GABRG1: variants seen among roughly 807,000 people sequenced by gnomAD.
GABRG1 encodes gamma-aminobutyric acid receptor subunit gamma-1.
A neutral mutation model predicts 49.8 loss-of-function variants in GABRG1; 49 were observed. The ratio of observed to expected loss-of-function variants is 0.98; its 90% CI spans 0.78 to 1.25. The LOEUF is 1.25. GABRG1 is among the 50% of genes most tolerant of loss of function. GABRG1 has a pLI of 0.00. For synonymous variants in GABRG1, 232 were observed against 185.1 expected (o/e 1.25, Z -2.06); for missense variants, 552 against 552.3 (o/e 1.00, Z 0.01).
At chr4:46,087,069 T>C (rs1415860352) in intron 2 of GABRG1, among the ~76,000 whole-genome samples, 1 of 151,688 alleles carries the variant, frequency 6.6e-6, no homozygotes, top group Non-Finnish European at 1.5e-5. Flanking sequence ...ATGAGAGATA[T>C]GAGCGTATAA....
chr4:46,049,234 G>GA (rs1273495596), intron 8 of GABRG1, among the ~76,000 whole-genome samples: 1 of 151,858 alleles, frequency 6.6e-6, no homozygotes, highest in South Asian at 2.1e-4. Flanking sequence ...GTGGATTCCA[G>GA]AAAGCCCTTA....
At chr4:46,076,981 C>T (rs1017969253) in intron 3 of GABRG1, among the ~76,000 whole-genome samples, 5 of 151,006 alleles carry the variant, frequency 3.3e-5, no homozygotes, top group African/African-American at 9.7e-5. Context: ...TGGAACTATT[C>T]CACATGTAAA....
chr4:46,092,020 A>G (rs540907149), intron 2 of GABRG1, among the ~76,000 whole-genome samples: 1 of 152,188 alleles, frequency 6.6e-6, no homozygotes, highest in East Asian at 1.9e-4. Context: ...AAATTGAGTG[A>G]TATTTATGAA....
intron 3 of GABRG1, among the ~76,000 whole-genome samples, chr4:46,074,466 C>T (rs1719251047): frequency 6.6e-6 from 1 of 152,142 alleles, no homozygotes; most frequent in Admixed American, 6.6e-5. Flanking sequence ...GCACTTGCTG[C>T]TTCTGTTTAC....
chr4:46,049,490 G>C (rs957301423), intron 8 of GABRG1, among the ~76,000 whole-genome samples: 6 of 151,704 alleles, frequency 4.0e-5, no homozygotes, highest in African/African-American at 1.4e-4. Context: ...AAATATTTTT[G>C]GTACTCAAGT....
At chr4:46,092,059 T>A (rs1373925892) in intron 2 of GABRG1, among the ~76,000 whole-genome samples, 2 of 152,074 alleles carry the variant, frequency 1.3e-5, no homozygotes, top group African/African-American at 4.8e-5. Context: ...AGGGTTTCCA[T>A]ATCGATTGGA....
At chr4:46,066,586 A>G (rs1395564209) in intron 3 of GABRG1, among the ~76,000 whole-genome samples, 1 of 152,176 alleles carries the variant, frequency 6.6e-6, no homozygotes. Flanking sequence ...GTCCACATCC[A>G]TAACAAATGC....
chr4:46,097,435 T>G (rs1387489858), intron 1 of GABRG1, 86 bp from the exon 2 acceptor site: 2 of 1,290,436 alleles, frequency 1.5e-6, no homozygotes, highest in Admixed American at 2.5e-5. Context: ...TACAATTGAG[T>G]AAGAAAGTAA....
At chr4:46,043,084 C>A (rs1180543505) in intron 8 of GABRG1, among the ~76,000 whole-genome samples, 1 of 151,714 alleles carries the variant, frequency 6.6e-6, no homozygotes, top group Non-Finnish European at 1.5e-5. Flanking sequence ...TTATGCTAAT[C>A]AGAATGAAAA....
At chr4:46,051,758 A>C in intron 7 of GABRG1, 120 bp from the exon 8 acceptor site, 1 of 579,774 alleles carries the variant, frequency 1.7e-6, no homozygotes, top group Non-Finnish European at 3.0e-6. Context: ...GATTACTAGT[A>C]ATTTATATTA....
chr4:46,104,431 T>C (rs1039708730), intron 1 of GABRG1, among the ~76,000 whole-genome samples: 18 of 151,674 alleles, frequency 1.2e-4, no homozygotes, highest in Middle Eastern at 3.4e-3. Flanking sequence ...TAATAACTAA[T>C]GTGTTACATT....
At chr4:46,089,731 G>A (rs983363307) in intron 2 of GABRG1, among the ~76,000 whole-genome samples, 1 of 152,068 alleles carries the variant, frequency 6.6e-6, no homozygotes. Context: ...GGGAGGCTGG[G>A]GCAGGCAGAT....
intron 1 of GABRG1, among the ~76,000 whole-genome samples, chr4:46,123,056 C>T (rs1370602645): frequency 1.3e-5 from 2 of 149,924 alleles, no homozygotes; most frequent in East Asian, 2.0e-4. Flanking sequence ...AATTTGTGAT[C>T]GGTGACACTT....
Position 46,097,101 on chromosome 4 carries a change from T to C in GABRG1, c.253+100A>G, listed in dbSNP as rs564345634. 2.2e-5 allele frequency: 23 copies of C among 1,024,528 alleles called. No homozygotes were observed. In the South Asian group the frequency reaches 5.4e-4, roughly 24 times the overall value. The allele number at this position is 1,024,528 out of a possible 1,614,324, so 63.5% of individuals were successfully genotyped here. ...TTCAAATTCAGCAGATTCTCTGACA[T>C]ACATCAGACACTCAAGGAATAAGAA... On this transcript the variant is annotated intron_variant, in intron 2 of 8. Transcript: ENST00000295452.
At chr4:46,091,926 A>T (rs1458127474) in intron 2 of GABRG1, among the ~76,000 whole-genome samples, 3 of 152,096 alleles carry the variant, frequency 2.0e-5, no homozygotes, top group Non-Finnish European at 4.4e-5. Flanking sequence ...AAAATTGTCC[A>T]GAGATAAAAT....
intron 1 of GABRG1, among the ~76,000 whole-genome samples, chr4:46,105,697 C>T (rs567811258): frequency 1.0e-3 from 154 of 151,254 alleles, no homozygotes; most frequent in Non-Finnish European, 1.8e-3. Flanking sequence ...ACACTATCTC[C>T]AGACACATAA....
At position 46,058,769 on chromosome 4, in the gene GABRG1, T is replaced by C. The variant is rs1718555779; in HGVS notation, c.626-147A>G. ...ATAGAATATTTGAATACAATAAATA[T>C]TAATAAGCAGAGTTTAATGACTAAT... is the stretch of plus-strand genomic sequence containing the variant. On this transcript the variant is annotated intron_variant, in intron 5 of 8. Transcript: ENST00000295452. 3.5e-5 allele frequency: 22 copies of C among 626,884 alleles called. No homozygotes were observed. In the East Asian group the frequency reaches 5.5e-4, roughly 16 times the overall value. 38.8% of individuals were successfully genotyped at this position (626,884 alleles called of 1,614,324 possible). A position where few individuals can be genotyped will look rare whatever the true frequency, so the allele number is the denominator to read the frequency against.
chr4:46,078,783 T>C (rs148143242), intron 3 of GABRG1, among the ~76,000 whole-genome samples: 1 of 152,160 alleles, frequency 6.6e-6, no homozygotes, highest in East Asian at 1.9e-4. Flanking sequence ...TGGTCAAATA[T>C]TGAAAGTGAA....
Position 46,123,914 on chromosome 4 carries a change from C to A in GABRG1, c.-1G>T, listed in dbSNP as rs146916422. 6.6e-5 allele frequency: 106 copies of A among 1,612,504 alleles called. No individual in the cohort carries two copies. Among genetic ancestry groups the A allele is most frequent in the Non-Finnish European group, 8.6e-5 (101 of 1,178,948 alleles). The stretch of plus-strand genomic sequence containing the variant: ...AGAGAAAAGCTTTCAAAGGACCCAT[C>A]GGAATCGCTTTTTTACGTGTGCTGC... On this transcript the variant is annotated 5_prime_UTR_variant, in exon 1 of 9. Coordinates refer to ENST00000295452, the MANE Select transcript of GABRG1 (RefSeq NM_173536.4).
Sources: allele counts gnomAD v4.1 joint callset (sites outside exome capture counted in the v4.1 genomes callset), GRCh38; gene constraint gnomAD v4.1.1; transcripts MANE v1.5; gene names NCBI Gene and HGNC (gene_info 2026-07-23, HGNC 2026-07-21).